The following IQSEC2 variants were observed in gnomAD, a reference collection of about 807,000 sequenced individuals.
IQSEC2 encodes the protein IQ motif and Sec7 domain ArfGEF 2, also known as IQ motif and SEC7 domain-containing protein 2.
IQSEC2 carries 6 observed loss-of-function variants against 74.6 expected under a neutral mutation model. That is an observed-to-expected ratio of 0.08 (90% CI 0.04 to 0.16). The LOEUF is 0.16. IQSEC2 is among the 10% of genes least tolerant of loss of function. IQSEC2 has a pLI of 1.00. For synonymous variants in IQSEC2, 494 were observed against 544.5 expected, an observed-to-expected ratio of 0.91 and a Z score of 1.29; for missense variants, 734 against 1,306.2, an observed-to-expected ratio of 0.56 and a Z score of 6.75.
intron 1 of IQSEC2, 106 bp from the exon 2 acceptor site, chrX:53,292,030 C>A: frequency 3.2e-6 from 2 of 633,782 alleles, no homozygotes; most frequent in Non-Finnish European, 4.9e-6. Flanking sequence ...TAATGCACAT[C>A]ACAAAAATGA....
chrX:53,236,384 C>T lies in IQSEC2; in HGVS notation c.3389G>A (p.Gly1130Glu). The change falls in exon 13 of 15, where the codon GGG becomes GAG. Residue 1130 changes from glycine (G) to glutamate (E), a missense_variant. Transcript: ENST00000642864. ...MARSSLEDTY[G>E]AGDGLKRGAL... The stretch of plus-strand genomic sequence containing the variant: ...GCCCCGTTTGAGCCCATCGCCTGCC[C>T]CGTAAGTGTCCTCCAGGCTACTGCG... The T allele has an allele frequency of 8.3e-7, 1 of 1,208,241 alleles. No individual in the cohort carries two copies. Among genetic ancestry groups the T allele is most frequent in the Non-Finnish European group, 1.1e-6 (1 of 893,662 alleles).
At chrX:53,265,739 T>C (rs1001981830) in intron 2 of IQSEC2, among the ~76,000 whole-genome samples, 1 of 111,872 alleles carries the variant, frequency 8.9e-6, no homozygotes, top group Admixed American at 9.5e-5. Flanking sequence ...GTGCAGGGAA[T>C]ATTTAGGGTC....
At chrX:53,249,235 C>G (rs782005840) in intron 5 of IQSEC2, among the ~76,000 whole-genome samples, 1 of 111,893 alleles carries the variant, frequency 8.9e-6, no homozygotes, top group South Asian at 3.8e-4. Context: ...AGCACCTTCC[C>G]TCTGAGTCAC....
chrX:53,239,381 C>T, intron 10 of IQSEC2, 87 bp from the exon 11 acceptor site: 1 of 528,172 alleles, frequency 1.9e-6, no homozygotes. Context: ...CCACCCTCCC[C>T]TCCCACCCCA....
chrX:53,254,240 G>T (rs1556864408), intron 4 of IQSEC2, among the ~76,000 whole-genome samples: 1 of 106,322 alleles, frequency 9.4e-6, no homozygotes, highest in African/African-American at 3.5e-5. Context: ...TGAGACAGGA[G>T]AATCACTTGA....
intron 1 of IQSEC2, among the ~76,000 whole-genome samples, chrX:53,292,735 CAAG>C (rs1291713828): frequency 9.0e-6 from 1 of 111,486 alleles, no homozygotes; most frequent in Non-Finnish European, 1.9e-5. Flanking sequence ...CACGCCTTCC[CAAG>C]AAGAGTGTGA....
At chrX:53,278,080 G>A (rs1214955487) in intron 2 of IQSEC2, among the ~76,000 whole-genome samples, 1 of 94,904 alleles carries the variant, frequency 1.1e-5, no homozygotes, top group Non-Finnish European at 2.0e-5. Context: ...GTGCAATCTC[G>A]GCTCACTGCA....
chrX:53,248,314 G>A, intron 6 of IQSEC2, 78 bp from the exon 7 acceptor site: 1 of 1,111,716 alleles, frequency 9.0e-7, no homozygotes, highest in African/African-American at 1.8e-5. Context: ...CTGCTCAAAT[G>A]GACCAACACC....
At chrX:53,244,434 G>T (rs1556861615) in intron 8 of IQSEC2, among the ~76,000 whole-genome samples, 3 of 105,055 alleles carry the variant, frequency 2.9e-5, no homozygotes, top group Non-Finnish European at 5.8e-5. Context: ...GCTGAAGTGG[G>T]ATAATAGCTT....
rs182737123 is a variant in IQSEC2 at position 53,316,244 on chromosome X, T to C, written c.707+4173A>G. Among the ~76,000 whole-genome samples the C allele has an allele frequency of 1.2e-4, 13 of 111,728 alleles. No individual in the cohort carries two copies. In the East Asian group the frequency reaches 2.0e-3, roughly 17 times the overall value. ...ACCCCATTCTTGCCCCAGATCTAGA[T>C]AGAGAAGCAAGACTCTCATTCTCAT... On this transcript the variant is annotated intron_variant, in intron 1 of 14. Coordinates refer to ENST00000642864, the MANE Select transcript of IQSEC2 (RefSeq NM_001111125.3).
intron 2 of IQSEC2, among the ~76,000 whole-genome samples, chrX:53,272,383 A>C (rs1556868794): frequency 6.2e-5 from 7 of 112,018 alleles, no homozygotes; most frequent in African/African-American, 2.3e-4. Context: ...CCAGCCACTC[A>C]GATTCTGAAT....
In IQSEC2 at chrX:53,255,913, C is replaced by T; in HGVS notation, c.886G>A (p.Ala296Thr). The change falls in exon 3 of 15, where the codon GCA (alanine) becomes ACA (threonine). Residue 296 changes from alanine (A) to threonine (T), a missense_variant. By Grantham distance (58) the Ala-to-Thr change is moderately conservative. This residue lies in a region of IQSEC2 where 54 missense variants were observed against 62.1 expected (regional missense o/e 0.87). Transcript: ENST00000642864. The stretch of plus-strand genomic sequence containing the variant: ...GCGACACTGGCTGGCTGGAGGCGTG[C>T]CCGCTGAGCCCAGGGAAGGCCCACT... The part of the protein sequence containing the change: ...AGVGLPWAQR[A>T]RLQPASVALR... The T allele has an allele frequency of 8.3e-7, 1 of 1,207,141 alleles. No individual in the cohort carries two copies.
At chrX:53,260,943 G>A (rs911621109) in intron 2 of IQSEC2, among the ~76,000 whole-genome samples, 5 of 111,138 alleles carry the variant, frequency 4.5e-5, no homozygotes, top group Non-Finnish European at 7.5e-5. Flanking sequence ...TCCCGGCTCC[G>A]TGCTGCCCCT....
intron 2 of IQSEC2, among the ~76,000 whole-genome samples, chrX:53,274,830 A>G (rs1556869210): frequency 9.0e-6 from 1 of 110,643 alleles, no homozygotes; most frequent in Non-Finnish European, 1.9e-5. Flanking sequence ...CTAATTGTCT[A>G]TTTCTTCCCT....
chrX:53,272,633 G>A (rs1161525053), intron 2 of IQSEC2, among the ~76,000 whole-genome samples: 9 of 111,381 alleles, frequency 8.1e-5, no homozygotes, highest in African/African-American at 2.6e-4. Context: ...AGTAGAAGAG[G>A]ACCAAGAACC....
At chrX:53,260,283 A>C (rs1453922609) in intron 2 of IQSEC2, among the ~76,000 whole-genome samples, 1 of 111,704 alleles carries the variant, frequency 9.0e-6, no homozygotes, top group Non-Finnish European at 1.9e-5. Context: ...CAGCCAGCGC[A>C]AAGGCCCGGA....
intron 2 of IQSEC2, among the ~76,000 whole-genome samples, chrX:53,287,688 A>G (rs1250569061): frequency 2.7e-5 from 3 of 112,364 alleles, no homozygotes; most frequent in Non-Finnish European, 5.6e-5. Context: ...GCTGCTAATT[A>G]AAGCCAGGAC....
At chrX:53,263,584 T>C (rs1265469857) in intron 2 of IQSEC2, among the ~76,000 whole-genome samples, 1 of 110,170 alleles carries the variant, frequency 9.1e-6, no homozygotes, top group African/African-American at 3.3e-5. Context: ...CCCATGCTCA[T>C]ACTCTTCCTT....
At chrX:53,227,862 C>T (rs2074049029), downstream of IQSEC2, 4 of 145,171 alleles carry the variant, frequency 2.8e-5, no homozygotes, top group African/African-American at 9.3e-5. Flanking sequence ...CAGACACACC[C>T]GTCCTAGAAG....
Sources: allele counts gnomAD v4.1 joint callset (sites outside exome capture counted in the v4.1 genomes callset), GRCh38; gene constraint gnomAD v4.1.1; regional missense constraint gnomAD v4.1.1; transcripts MANE v1.5; gene names NCBI Gene and HGNC (gene_info 2026-07-23, HGNC 2026-07-21).